PCNX3: variants seen among roughly 807,000 people sequenced by gnomAD.
The protein encoded by PCNX3 is pecanex 3.
A neutral mutation model predicts 207.2 loss-of-function variants in PCNX3; 58 were observed. The observed-to-expected ratio is 0.28, with a 90% CI of 0.23 to 0.35. The LOEUF is 0.35. PCNX3 is among the 10% of genes least tolerant of loss of function. PCNX3 has a pLI of 1.00. For synonymous variants in PCNX3, 1,337 were observed against 1,183.5 expected (o/e 1.13, Z -2.66); for missense variants, 2,410 against 2,774.4 (o/e 0.87, Z 2.95).
At position 65,635,498 on chromosome 11, in the gene PCNX3, C is replaced by G; in HGVS notation, c.5185-31C>G. 1 of 1,607,016 alleles carries G rather than the reference C, an allele frequency of 6.2e-7. No homozygotes were observed. The highest frequency in any genetic ancestry group is 8.5e-7 in the Non-Finnish European group (1 of 1,177,904). The stretch of plus-strand genomic sequence containing the variant: ...AGCCCTGCCCCAAACCCCCTTGGGC[C>G]GGCCCCCTGACCCTGGCGTGTGGCT... On this transcript the variant is annotated intron_variant, in intron 31 of 34. Transcript: ENST00000355703. The surrounding 1 kb of genome is among the most constrained non-coding windows in gnomAD (Gnocchi z 9.9).
At position 65,629,731 on chromosome 11, in the gene PCNX3, C is replaced by T; in HGVS notation, c.4212C>T (p.Phe1404=). Reference sequence around the variant, plus strand: ...CCTTCCAGCTGCGTGGCCTTGAGTTCCGGGGTGAGCCGCAGGACCAGGCTC... The same window carrying T: ...CCTTCCAGCTGCGTGGCCTTGAGTTTCGGGGTGAGCCGCAGGACCAGGCTC... ...LVTFQLRGLE[F]RGTYCQQREV... is the part of the protein sequence containing the mutation. The change falls in exon 26 of 35, where the codon TTC becomes TTT. Residue 1404 remains phenylalanine, a synonymous_variant. Transcript: ENST00000355703. 1 of 1,549,780 alleles carries T rather than the reference C, an allele frequency of 6.5e-7. No homozygotes were observed. The highest frequency in any genetic ancestry group is 8.7e-7 in the Non-Finnish European group (1 of 1,147,166).
In PCNX3 at chr11:65,624,793, G is replaced by A. The variant is rs1037527476; in HGVS notation, c.2828-132G>A. ...CTCTAAAGGCCGCTTGGGGCTTGGG[G>A]CAGCAGAGAACAATGGGCTGGGGGT... On this transcript the variant is annotated intron_variant, in intron 15 of 34. Transcript: ENST00000355703. 22 of 1,007,316 alleles carry A rather than the reference G, an allele frequency of 2.2e-5. No homozygotes were observed. The African/African-American group carries it at 2.7e-4, about 13-fold the overall frequency. The allele number at this position is 1,007,316 out of a possible 1,614,324, so 62.4% of individuals were successfully genotyped here.
In PCNX3 at chr11:65,635,295, G is replaced by A; in HGVS notation, c.5031G>A (p.Leu1677=). The A allele has an allele frequency of 1.9e-6, 3 of 1,596,616 alleles. No homozygotes were observed. Among genetic ancestry groups the A allele is most frequent in the South Asian group, 1.1e-5 (1 of 89,170 alleles). ...YDAIAANEER[L]VISHEGDPAW... is the part of the protein sequence containing the mutation. Reference sequence around the variant, plus strand: ...CCATTGCGGCCAACGAGGAGCGGCTGGTCATCTCACATGAGGGTGACCCAG... The same window carrying A: ...CCATTGCGGCCAACGAGGAGCGGCTAGTCATCTCACATGAGGGTGACCCAG... The change falls in exon 31 of 35, where the codon CTG becomes CTA. Residue 1677 remains leucine (L), a synonymous_variant. Transcript: ENST00000355703. This position sits in a 1 kb window ranked among gnomAD's most constrained non-coding sequence, Gnocchi z 9.9.
chr11:65,629,740 GC>G lies in PCNX3; in HGVS notation c.4216+7del. The G allele has an allele frequency of 6.5e-7, 1 of 1,549,562 alleles. No individual in the cohort carries two copies. Among genetic ancestry groups the G allele is most frequent in the Non-Finnish European group, 8.7e-7 (1 of 1,147,122 alleles). On this transcript the variant is annotated splice_donor_region_variant and intron_variant, in intron 26 of 34. Coordinates refer to ENST00000355703, the MANE Select transcript of PCNX3 (RefSeq NM_032223.4). ...TGCGTGGCCTTGAGTTCCGGGGTGA[GC>G]CGCAGGACCAGGCTCGGGTGGGCAG...
rs1274799319 is a variant in PCNX3, at chr11:65,625,773, C to G, written c.3228+29C>G. 2 of 1,603,104 alleles carry G rather than the reference C, an allele frequency of 1.2e-6. No homozygotes were observed. The highest frequency in any genetic ancestry group is 2.7e-5 in the African/African-American group (2 of 74,832). Reference sequence around the variant, plus strand: ...TGTGTGGCATGGGCCGCTGCTGCCTCTCGCTGTCTTGGCGGGAGCCTGCTC... The same window carrying G: ...TGTGTGGCATGGGCCGCTGCTGCCTGTCGCTGTCTTGGCGGGAGCCTGCTC... On this transcript the variant is annotated intron_variant, in intron 19 of 34. Coordinates refer to ENST00000355703, the MANE Select transcript of PCNX3 (RefSeq NM_032223.4). This position sits in a 1 kb window ranked among gnomAD's most constrained non-coding sequence, Gnocchi z 5.6.
intron 27 of PCNX3, among the ~76,000 whole-genome samples, chr11:65,631,910 C>G (rs1485370288): frequency 1.3e-5 from 2 of 152,270 alleles, no homozygotes; most frequent in Admixed American, 1.3e-4. Flanking sequence ...ATCAGAGGAG[C>G]TGTCATTTGT....
In PCNX3 at chr11:65,635,544, G is replaced by A. The variant is rs1331263112; in HGVS notation, c.5200G>A (p.Val1734Met). 3 of 1,610,894 alleles carry A rather than the reference G, an allele frequency of 1.9e-6. No individual in the cohort carries two copies. The highest frequency in any genetic ancestry group is 1.1e-5 in the South Asian group (1 of 91,028). The stretch of plus-strand genomic sequence containing the variant: ...TGGCTCTCAGGTGAACCGGGAGTGC[G>A]TGCGCGGCCTGTGGGCCGGGCAGCA... Reference protein sequence around the residue: ...FRVIKVNRECVRGLWAGQQQE... With the variant: ...FRVIKVNRECMRGLWAGQQQE... Residue 1734 changes from valine to methionine, a missense_variant, in exon 32 of 35, where the codon GTG (valine) becomes ATG (methionine). Physicochemically the swap from Val to Met is conservative, Grantham distance 21. Around this residue, in one of 8 missense-constraint regions of PCNX3, gnomAD observed 420 missense variants for 705.3 expected, o/e 0.60. Coordinates refer to ENST00000355703, the MANE Select transcript of PCNX3 (RefSeq NM_032223.4). The surrounding 1 kb of genome is among the most constrained non-coding windows in gnomAD (Gnocchi z 9.9).
Position 65,619,583 on chromosome 11 carries a change from G to C in PCNX3, c.1752G>C (p.Arg584=). 1 of 1,608,934 alleles carries C rather than the reference G, an allele frequency of 6.2e-7. No individual in the cohort carries two copies. The highest frequency in any genetic ancestry group is 8.5e-7 in the Non-Finnish European group (1 of 1,179,258). ...GGGACCGCTCAAGCAGTGTGAGGCG[G>C]ACCCAGGCCATTCGGAGACGCCACA... ...GRRDRSSSVR[R]TQAIRRRHNA... The change falls in exon 7 of 35, where the codon CGG becomes CGC. Residue 584 remains arginine, a synonymous_variant. Transcript: ENST00000355703.
chr11:65,626,795 A>G (rs1855413471), intron 20 of PCNX3, 109 bp from the exon 21 acceptor site: 5 of 1,488,036 alleles, frequency 3.4e-6, no homozygotes, highest in Middle Eastern at 2.4e-4. Context: ...CCCTCCCCCC[A>G]GGGTCTCCGA....
chr11:65,619,567 C>T lies in PCNX3; in HGVS notation c.1736C>T (p.Ser579Leu). ...AAEETGRRDR[S>L]SSVRRTQAIR... ...GAGGAGACTGGCAGGCGGGACCGCT[C>T]AAGCAGTGTGAGGCGGACCCAGGCC... The change falls in exon 7 of 35, where the codon TCA (serine) becomes TTA (leucine). Residue 579 changes from serine (S) to leucine (L), a missense_variant. Transcript: ENST00000355703. The T allele has an allele frequency of 1.2e-6, 2 of 1,610,006 alleles. No individual in the cohort carries two copies. Among genetic ancestry groups the T allele is most frequent in the South Asian group, 1.1e-5 (1 of 90,852 alleles).
In PCNX3 at chr11:65,618,547, G is replaced by A; in HGVS notation, c.1185G>A (p.Gln395=). 6.2e-7 allele frequency: 1 copy of A among 1,611,260 alleles called. No homozygotes were observed. Among genetic ancestry groups the A allele is most frequent in the South Asian group, 1.1e-5 (1 of 91,038 alleles). ...DLALLRPSKR[Q]PPLRRHSPPG... ...CCCTGCTACGGCCTAGCAAACGGCA[G>A]CCACCCCTGCGAAGACACTCTCCAC... The change falls in exon 6 of 35, where the codon CAG becomes CAA. Residue 395 remains glutamine, a synonymous_variant. Transcript: ENST00000355703.
rs371556427 is a variant in PCNX3 at position 65,624,479 on chromosome 11, C to T, written c.2725C>T (p.Leu909=). The part of the protein sequence containing the change: ...CARDVATVFT[L]CFPFVFLLGL... ...TGTCCCCTCCCTGCCAGTGTTCACC[C>T]TGTGCTTCCCCTTCGTCTTCCTCCT... The change falls in exon 15 of 35, where the codon CTG becomes TTG. Residue 909 remains leucine (L), a synonymous_variant. Coordinates refer to ENST00000355703, the MANE Select transcript of PCNX3 (RefSeq NM_032223.4). 8.1e-6 allele frequency: 13 copies of T among 1,598,360 alleles called. No homozygotes were observed. Among genetic ancestry groups the T allele is most frequent in the Non-Finnish European group, 1.1e-5 (13 of 1,172,342 alleles).
chr11:65,617,790 G>T, intron 5 of PCNX3, 84 bp downstream of exon 5: 2 of 1,504,292 alleles, frequency 1.3e-6, no homozygotes, highest in Non-Finnish European at 1.8e-6. Context: ...CTCCATCCTG[G>T]GTCTCCTCTG....
intron 27 of PCNX3, among the ~76,000 whole-genome samples, chr11:65,633,638 C>G (rs1353929071): frequency 1.3e-5 from 2 of 152,222 alleles, no homozygotes; most frequent in East Asian, 1.9e-4. Context: ...ACGTGCTGCA[C>G]AGGCACTGAA....
intron 8 of PCNX3, 110 bp downstream of exon 8, chr11:65,620,042 G>T: frequency 8.5e-7 from 1 of 1,176,236 alleles, no homozygotes. Context: ...CACTGCTAAT[G>T]CTGCCAGACA....
chr11:65,619,640 T>C lies in PCNX3; in HGVS notation c.1809T>C (p.Ser603=). Residue 603 remains serine, a synonymous_variant, in exon 7 of 35, where the codon TCT becomes TCC. Transcript: ENST00000355703. The stretch of plus-strand genomic sequence containing the variant: ...GCAGCAACCCCACCCCTCCAGCCTC[T>C]GTCATGGGCTCGCCGCCCAGGTGAG... ...NAGSNPTPPA[S]VMGSPPSSLQ... is the part of the protein sequence containing the mutation. The C allele has an allele frequency of 6.2e-7, 1 of 1,601,432 alleles. No homozygotes were observed. The highest frequency in any genetic ancestry group is 8.5e-7 in the Non-Finnish European group (1 of 1,178,198).
chr11:65,635,752 G>A lies in PCNX3; in HGVS notation c.5408G>A (p.Gly1803Asp). 1.9e-6 allele frequency: 3 copies of A among 1,602,476 alleles called. No individual in the cohort carries two copies. The highest frequency in any genetic ancestry group is 2.6e-6 in the Non-Finnish European group (3 of 1,175,288). Residue 1803 changes from glycine to aspartate, a missense_variant, in exon 32 of 35, where the codon GGC becomes GAC. Transcript: ENST00000355703. This position sits in a 1 kb window ranked among gnomAD's most constrained non-coding sequence, Gnocchi z 9.9. Reference protein sequence around the residue: ...SHPQLRALWGGPISLGAIAHW... With the variant: ...SHPQLRALWGDPISLGAIAHW... ...CCCCAGCTACGGGCACTGTGGGGTGGCCCCATCAGCCTGGGTGCCATTGCC... is the reference window on the plus strand; with the variant it reads ...CCCCAGCTACGGGCACTGTGGGGTGACCCCATCAGCCTGGGTGCCATTGCC...
chr11:65,616,089 C>T lies in PCNX3; in HGVS notation c.-223C>T. On this transcript the variant is annotated 5_prime_UTR_variant, in exon 1 of 35. The change creates a premature stop within an existing upstream ORF in the 5' untranslated region. Transcript: ENST00000355703. ...GGGGACCCGGACCCCGCCCCTGATG[C>T]AGCCCCACCCCCGCGTCCGGGCCTT... 2.9e-6 allele frequency: 1 copy of T among 339,206 alleles called. No homozygotes were observed. The highest frequency in any genetic ancestry group is 5.3e-6 in the Non-Finnish European group (1 of 189,202). The allele number at this position is 339,206 out of a possible 1,614,324, so 21.0% of individuals were successfully genotyped here.
At chr11:65,626,126 T>C in intron 20 of PCNX3, 72 bp downstream of exon 20, 1 of 1,534,996 alleles carries the variant, frequency 6.5e-7, no homozygotes, top group Non-Finnish European at 8.7e-7. Flanking sequence ...GGAGCTGTGG[T>C]CCTCTCGGCT....
Sources: gnomAD v4.1 joint callset for allele counts (sites outside exome capture counted in the v4.1 genomes callset) on GRCh38, gnomAD v4.1.1 for gene constraint, gnomAD v4.1.1 regional missense constraint, Gnocchi (gnomAD v3.1) non-coding constraint, MANE v1.5 for transcripts, NCBI Gene and HGNC (gene_info 2026-07-23, HGNC 2026-07-21) for gene names.